Variants in TPD52 observed in about 807,000 individuals in gnomAD.
TPD52 encodes the protein prostate and colon associated protein.
In TPD52, 17 loss-of-function variants were observed where a neutral mutation model predicts 31.3. That is an observed-to-expected ratio of 0.54 (90% CI 0.37 to 0.82). The LOEUF (loss-of-function observed/expected upper bound fraction) is 0.82. TPD52 is among the 40% of genes least tolerant of loss of function. The pLI, the probability that TPD52 is intolerant of heterozygous loss-of-function variation, is 0.00. For missense variants in TPD52, 212 were observed against 240.1 expected, an observed-to-expected ratio of 0.88 and a Z score of 0.77; for synonymous variants, 83 against 89.6, an observed-to-expected ratio of 0.93 and a Z score of 0.42.
At chr8:80,040,177 ACG>A (rs1810235430) in intron 7 of TPD52, among the ~76,000 whole-genome samples, 1 of 143,028 alleles carries the variant, frequency 7.0e-6, no homozygotes, top group Admixed American at 7.0e-5. Flanking sequence ...TCTGTTTAAT[ACG>A]CTATCCTTTT....
chr8:80,108,584 A>G (rs1807291887), intron 1 of TPD52, among the ~76,000 whole-genome samples: 1 of 152,236 alleles, frequency 6.6e-6, no homozygotes, highest in East Asian at 1.9e-4. Flanking sequence ...TCACGGAAAG[A>G]ACTCTGACAA....
At chr8:80,048,407 G>A (rs570070781) in intron 5 of TPD52, among the ~76,000 whole-genome samples, 6 of 152,278 alleles carry the variant, frequency 3.9e-5, no homozygotes, top group African/African-American at 7.2e-5. Flanking sequence ...TAAAATCACC[G>A]GCATAAGTTT....
intron 1 of TPD52, among the ~76,000 whole-genome samples, chr8:80,112,581 T>TA (rs1178070735): frequency 6.6e-6 from 1 of 152,170 alleles, no homozygotes; most frequent in South Asian, 2.1e-4. Context: ...CTCGCAAGTC[T>TA]AAAAAAACAA....
At chr8:80,077,740 GTCAT>G (rs1203729840) in intron 1 of TPD52, among the ~76,000 whole-genome samples, 1 of 152,174 alleles carries the variant, frequency 6.6e-6, no homozygotes, top group African/African-American at 2.4e-5. Flanking sequence ...CCTTACCAGT[GTCAT>G]TCATTCATTC....
At chr8:80,065,999 C>A (rs1217428264) in intron 1 of TPD52, among the ~76,000 whole-genome samples, 1 of 149,184 alleles carries the variant, frequency 6.7e-6, no homozygotes, top group Non-Finnish European at 1.5e-5. Context: ...GCTCTTCCTG[C>A]CAGTGAGCAT....
intron 2 of TPD52, 102 bp from the exon 3 acceptor site, chr8:80,053,532 T>C (rs1353791738): frequency 3.3e-6 from 4 of 1,216,722 alleles, no homozygotes; most frequent in Admixed American, 2.2e-5. Context: ...TTAAACATTT[T>C]TTTGAATCAT....
chr8:80,045,167 T>C (rs889393300), intron 5 of TPD52, among the ~76,000 whole-genome samples: 1 of 152,220 alleles, frequency 6.6e-6, no homozygotes. Context: ...TGGTGGTCAA[T>C]ACCTAGGGTA....
At chr8:80,050,688 C>G (rs891915539) in intron 4 of TPD52, among the ~76,000 whole-genome samples, 1 of 152,104 alleles carries the variant, frequency 6.6e-6, no homozygotes, top group African/African-American at 2.4e-5. Flanking sequence ...TAGACAATGA[C>G]AGTCTAAATA....
chr8:80,071,893 C>T (rs1265077440), intron 1 of TPD52, among the ~76,000 whole-genome samples: 1 of 152,202 alleles, frequency 6.6e-6, no homozygotes, highest in Non-Finnish European at 1.5e-5. Flanking sequence ...GCTCCTCACT[C>T]TGGACAATCT....
At chr8:80,072,755 A>G (rs1247668784) in intron 1 of TPD52, among the ~76,000 whole-genome samples, 1 of 150,966 alleles carries the variant, frequency 6.6e-6, no homozygotes, top group Admixed American at 6.6e-5. Context: ...ACATATATAC[A>G]TATATACACA....
intron 2 of TPD52, among the ~76,000 whole-genome samples, chr8:80,054,350 TAGAACAA>T (rs1290220049): frequency 2.0e-5 from 3 of 151,444 alleles, no homozygotes; most frequent in Non-Finnish European, 4.4e-5. Flanking sequence ...ATGGACAGAG[TAGAACAA>T]AAGGCTAATC....
chr8:80,093,807 C>A (rs1224439638), intron 1 of TPD52, among the ~76,000 whole-genome samples: 1 of 152,194 alleles, frequency 6.6e-6, no homozygotes, highest in Non-Finnish European at 1.5e-5. Flanking sequence ...GAACCTGCTA[C>A]TCTGGTTAAG....
intron 5 of TPD52, among the ~76,000 whole-genome samples, chr8:80,045,088 A>G (rs1177368611): frequency 6.6e-6 from 1 of 152,180 alleles, no homozygotes; most frequent in Non-Finnish European, 1.5e-5. Flanking sequence ...ATATTTAAAC[A>G]CCTCTGTACT....
rs1052002658 is a variant in TPD52 at position 80,052,655 on chromosome 8, G to A, written c.284+627C>T. The A allele has an allele frequency of 3.9e-6, 5 of 1,288,968 alleles. No homozygotes were observed. The African/African-American group carries it at 7.6e-5, about 20-fold the overall frequency. The allele number at this position is 1,288,968 out of a possible 1,614,324, so 79.8% of individuals were successfully genotyped here. On this transcript the variant is annotated intron_variant, in intron 3 of 7. Transcript: ENST00000518937. ...CAGAAGACAGAGCAGTTCGGTTTCTGCTGCTAGAAGCTTGCTCCTCCTTGT... is the reference window on the plus strand; with the variant it reads ...CAGAAGACAGAGCAGTTCGGTTTCTACTGCTAGAAGCTTGCTCCTCCTTGT...
intron 2 of TPD52, among the ~76,000 whole-genome samples, chr8:80,058,131 A>G (rs1219938569): frequency 5.9e-5 from 9 of 151,856 alleles, no homozygotes; most frequent in Admixed American, 5.9e-4. Context: ...CAAGGATTTG[A>G]AAAAAAATGC....
intron 1 of TPD52, among the ~76,000 whole-genome samples, chr8:80,148,806 A>G (rs1345746754): frequency 6.6e-6 from 1 of 152,184 alleles, no homozygotes; most frequent in Non-Finnish European, 1.5e-5. Flanking sequence ...TGAAGACTGA[A>G]GAACTACAAA....
At chr8:80,051,275 A>C (rs1241378837) in intron 4 of TPD52, 2 of 517,742 alleles carry the variant, frequency 3.9e-6, no homozygotes, top group Non-Finnish European at 6.8e-6. Context: ...GAAGAACTAA[A>C]AAGACAAAGA....
intron 1 of TPD52, among the ~76,000 whole-genome samples, chr8:80,138,450 A>C (rs961144416): frequency 6.6e-6 from 1 of 152,214 alleles, no homozygotes; most frequent in Admixed American, 6.5e-5. Flanking sequence ...AACACAACTC[A>C]AAGTGGCTTA....
intron 1 of TPD52, among the ~76,000 whole-genome samples, chr8:80,147,556 G>C (rs1810280240): frequency 6.6e-6 from 1 of 152,154 alleles, no homozygotes; most frequent in East Asian, 1.9e-4. Flanking sequence ...GTTTGAGAAA[G>C]CTAAACTATT....
Sources: allele counts gnomAD v4.1 joint callset (sites outside exome capture counted in the v4.1 genomes callset), GRCh38; gene constraint gnomAD v4.1.1; transcripts MANE v1.5; gene names NCBI Gene and HGNC (gene_info 2026-07-23, HGNC 2026-07-21).